RCSD1: variants seen among roughly 807,000 people sequenced by gnomAD.
RCSD1 encodes capZ-interacting protein.
RCSD1 carries 26 observed loss-of-function variants against 42.5 expected under a neutral mutation model. The observed-to-expected ratio is 0.61, with a 90% CI of 0.45 to 0.85. The LOEUF is 0.85. Ranked by LOEUF, RCSD1 falls within the 40% of genes least tolerant of loss-of-function variation. The pLI, the probability that RCSD1 is intolerant of heterozygous loss-of-function variation, is 0.00. For synonymous variants in RCSD1, 220 were observed against 212.2 expected, an observed-to-expected ratio of 1.04 and a Z score of -0.32; for missense variants, 571 against 528.3, an observed-to-expected ratio of 1.08 and a Z score of -0.79.
At chr1:167,680,108 C>T (rs1659043137) in intron 1 of RCSD1, among the ~76,000 whole-genome samples, 1 of 152,014 alleles carries the variant, frequency 6.6e-6, no homozygotes, top group South Asian at 2.1e-4. Context: ...GGGAGGGCTT[C>T]GTAAGCAAGA....
rs183112924 is a variant in RCSD1 at position 167,697,103 on chromosome 1, G to C, written c.479G>C (p.Arg160Pro). ...GSHLPCYNKV[R>P]TRGSIKRRPP... ...TTCCTTAACACTTTCTTCTAGGTGC[G>C]GACGAGGGGCTCAATAAAAAGGCGC... Residue 160 changes from arginine (R) to proline (P), a missense_variant, in exon 6 of 7, where the codon CGG becomes CCG. By Grantham distance (103) the Arg-to-Pro change is moderately radical (BLOSUM62 -2). Coordinates refer to ENST00000367854, the MANE Select transcript of RCSD1 (RefSeq NM_052862.4). 3.1e-6 allele frequency: 5 copies of C among 1,610,970 alleles called. No homozygotes were observed. Among genetic ancestry groups the C allele is most frequent in the South Asian group, 2.2e-5 (2 of 90,746 alleles).
chr1:167,658,226 C>A (rs2102211991), intron 1 of RCSD1, among the ~76,000 whole-genome samples: 1 of 152,314 alleles, frequency 6.6e-6, no homozygotes, highest in East Asian at 1.9e-4. Flanking sequence ...ATATACCTTT[C>A]TGTAGGATAC....
intron 4 of RCSD1, among the ~76,000 whole-genome samples, chr1:167,691,679 G>T (rs1571101945): frequency 6.6e-6 from 1 of 152,346 alleles, no homozygotes; most frequent in East Asian, 1.9e-4. Flanking sequence ...AGAGCCTAGG[G>T]ATTTGGATCC....
rs59063730 is a variant in RCSD1, at chr1:167,639,248, A to AAAACAAAC, written c.6+8827_6+8834dup. On this transcript the variant is annotated intron_variant, in intron 1 of 6. Transcript: ENST00000367854. ...AACAAACAAACAAAAAGCAAAAACA[A>AAAACAAAC]AAACAAACAAACAAAAAGGTCCTCT... 5.9e-5 allele frequency among the ~76,000 whole-genome samples: 9 copies of AAAACAAAC among 151,512 alleles called. No homozygotes were observed. In the East Asian group the frequency reaches 1.6e-3, roughly 26 times the overall value.
chr1:167,675,299 G>A (rs755538349), intron 1 of RCSD1, among the ~76,000 whole-genome samples: 8 of 152,034 alleles, frequency 5.3e-5, no homozygotes, highest in Non-Finnish European at 7.4e-5. Flanking sequence ...CACATGGCTG[G>A]GTGGGCCTCA....
intron 1 of RCSD1, among the ~76,000 whole-genome samples, chr1:167,672,608 C>T (rs577739701): frequency 6.6e-6 from 1 of 152,310 alleles, no homozygotes; most frequent in South Asian, 2.1e-4. Context: ...CTGACTCTCA[C>T]TCTTCTGCCA....
intron 1 of RCSD1, among the ~76,000 whole-genome samples, chr1:167,667,636 G>T (rs1278904924): frequency 2.0e-5 from 3 of 152,214 alleles, no homozygotes; most frequent in African/African-American, 7.2e-5. Flanking sequence ...GGCTCAGATT[G>T]TTAAGTAATG....
At chr1:167,639,293 C>T (rs1334109228) in intron 1 of RCSD1, among the ~76,000 whole-genome samples, 7 of 152,254 alleles carry the variant, frequency 4.6e-5, no homozygotes, top group South Asian at 2.1e-4. Context: ...CACACTAGGA[C>T]GCCTTTGACC....
chr1:167,657,717 G>A (rs551336658), intron 1 of RCSD1, among the ~76,000 whole-genome samples: 1 of 152,170 alleles, frequency 6.6e-6, no homozygotes, highest in Non-Finnish European at 1.5e-5. Flanking sequence ...CCAGGTATTT[G>A]TTCCCCTGCT....
chr1:167,659,690 A>G (rs1323183235), intron 1 of RCSD1, among the ~76,000 whole-genome samples: 1 of 152,110 alleles, frequency 6.6e-6, no homozygotes, highest in Non-Finnish European at 1.5e-5. Flanking sequence ...GAATTTTTCT[A>G]GCTCCAGCTT....
At chr1:167,694,879 A>C (rs1384522047) in intron 5 of RCSD1, among the ~76,000 whole-genome samples, 3 of 152,176 alleles carry the variant, frequency 2.0e-5, no homozygotes, top group Non-Finnish European at 2.9e-5. Flanking sequence ...GTGAGCTTTC[A>C]TCACATCCCT....
At chr1:167,689,976 C>T (rs1659335728) in intron 3 of RCSD1, 73 bp from the exon 4 acceptor site, 4 of 1,437,846 alleles carry the variant, frequency 2.8e-6, no homozygotes, top group South Asian at 1.2e-5. Context: ...CTGCCTGTGG[C>T]TTTTGGGTTC....
Position 167,697,954 on chromosome 1 carries a change from A to G in RCSD1, c.1218+112A>G, listed in dbSNP as rs73035732. On this transcript the variant is annotated intron_variant, in intron 6 of 6. Transcript: ENST00000367854. Reference sequence around the variant, plus strand: ...TCATAAATCAGCTCGACATGCAGAAACAAAGGTGCCAGGCTCCTGCCTCGT... The same window carrying G: ...TCATAAATCAGCTCGACATGCAGAAGCAAAGGTGCCAGGCTCCTGCCTCGT... 1.0e-2 allele frequency: 12,577 copies of G among 1,260,804 alleles called. 1,043 individuals carry two copies. In the African/African-American group the frequency reaches 0.17, roughly 17 times the overall value. The allele number at this position is 1,260,804 out of a possible 1,614,324, so 78.1% of individuals were successfully genotyped here.
rs575464822 is a variant in RCSD1 at position 167,658,426 on chromosome 1, T to C, written c.7-25474T>C. Among the ~76,000 whole-genome samples, 117 of 152,112 alleles carry C rather than the reference T, an allele frequency of 7.7e-4. 1 individual carries two copies. The highest frequency in any genetic ancestry group is 2.7e-3 in the African/African-American group (111 of 41,472). Reference sequence around the variant, plus strand: ...AGTTGGAGTTTTTTTGTTGTTGTTGTTTGTTTGTTTGTTTTTTGAGATGAA... The same window carrying C: ...AGTTGGAGTTTTTTTGTTGTTGTTGCTTGTTTGTTTGTTTTTTGAGATGAA... On this transcript the variant is annotated intron_variant, in intron 1 of 6. Transcript: ENST00000367854.
At chr1:167,681,529 A>T (rs752108343) in intron 1 of RCSD1, among the ~76,000 whole-genome samples, 1 of 152,240 alleles carries the variant, frequency 6.6e-6, no homozygotes, top group African/African-American at 2.4e-5. Flanking sequence ...AAGTGCTTCC[A>T]GAAGCCTCAG....
intron 1 of RCSD1, among the ~76,000 whole-genome samples, chr1:167,633,057 A>G (rs1011106464): frequency 2.6e-5 from 4 of 152,336 alleles, no homozygotes; most frequent in Admixed American, 2.6e-4. Flanking sequence ...AGGAATCCAA[A>G]CCAGACCAAA....
intron 1 of RCSD1, among the ~76,000 whole-genome samples, chr1:167,650,304 TG>T (rs1284337406): frequency 6.6e-6 from 1 of 152,038 alleles, no homozygotes; most frequent in Non-Finnish European, 1.5e-5. Flanking sequence ...TGGATGTGTG[TG>T]TGTTGGGGTG....
Position 167,684,077 on chromosome 1 carries a change from G to A in RCSD1, c.108+76G>A, listed in dbSNP as rs1659157867. 1.5e-5 allele frequency: 18 copies of A among 1,199,014 alleles called. No homozygotes were observed. In the South Asian group the frequency reaches 1.9e-4, roughly 12 times the overall value. 74.3% of individuals were successfully genotyped at this position (1,199,014 alleles called of 1,614,324 possible). A position where few individuals can be genotyped will look rare whatever the true frequency, so the allele number is the denominator to read the frequency against. ...GGGAAATCTGGTCAGGCCCAGCGGA[G>A]AGGGAGGGAGGAGGCTTGGTAGTTA... On this transcript the variant is annotated intron_variant, in intron 2 of 6. Coordinates refer to ENST00000367854, the MANE Select transcript of RCSD1 (RefSeq NM_052862.4).
At position 167,697,413 on chromosome 1, in the gene RCSD1, G is replaced by T; in HGVS notation, c.789G>T (p.Lys263Asn). 1 of 1,613,224 alleles carries T rather than the reference G, an allele frequency of 6.2e-7. No homozygotes were observed. Among genetic ancestry groups the T allele is most frequent in the Non-Finnish European group, 8.5e-7 (1 of 1,179,674 alleles). ...RATEEAKNGE[K>N]ARRSSEEVDG... Reference sequence around the variant, plus strand: ...CAGAGGAAGCCAAGAACGGTGAAAAGGCCAGGCGGAGTTCAGAGGAGGTGG... The same window carrying T: ...CAGAGGAAGCCAAGAACGGTGAAAATGCCAGGCGGAGTTCAGAGGAGGTGG... The change falls in exon 6 of 7, where the codon AAG becomes AAT. Residue 263 changes from lysine to asparagine, a missense_variant. Physicochemically the swap from Lys to Asn is moderately conservative, Grantham distance 94. Transcript: ENST00000367854.
Sources: gnomAD v4.1 joint callset for allele counts (sites outside exome capture counted in the v4.1 genomes callset) on GRCh38, gnomAD v4.1.1 for gene constraint, MANE v1.5 for transcripts, NCBI Gene and HGNC (gene_info 2026-07-23, HGNC 2026-07-21) for gene names.